SPATA1: variants seen among roughly 807,000 people sequenced by gnomAD.
The protein encoded by SPATA1 is spermatogenesis-associated protein 1.
In SPATA1, 57 loss-of-function variants were observed where a neutral mutation model predicts 59.6. The ratio of observed to expected loss-of-function variants is 0.96; its 90% CI spans 0.77 to 1.19. SPATA1 has a LOEUF of 1.19. SPATA1 is among the 50% of genes most tolerant of loss of function. The probability of loss-of-function intolerance (pLI) is 0.00; values close to 1 mark genes in which losing one functional copy is unlikely to be tolerated. For synonymous variants in SPATA1, 147 were observed against 163.9 expected (o/e 0.90, Z 0.79); for missense variants, 448 against 480.7 (o/e 0.93, Z 0.64).
downstream of SPATA1, among the ~76,000 whole-genome samples, chr1:84,559,194 T>G (rs1352986669): frequency 3.9e-5 from 6 of 152,242 alleles, no homozygotes; most frequent in East Asian, 1.2e-3. Context: ...GTGTCACATT[T>G]TGGCAATTCT....
chr1:84,529,280 GAAAT>G (rs111247858), intron 6 of SPATA1, among the ~76,000 whole-genome samples: 9,238 of 152,044 alleles, frequency 0.061, 445 homozygotes, highest in African/African-American at 0.13. Context: ...TTGTTGGAAA[GAAAT>G]CCAGTTTTTA....
intron 4 of SPATA1, among the ~76,000 whole-genome samples, chr1:84,562,586 G>A (rs1337082111): frequency 2.6e-5 from 4 of 152,134 alleles, no homozygotes; most frequent in African/African-American, 9.7e-5. Context: ...TTTGTACTTA[G>A]ATTTTTGAGC....
chr1:84,543,265 A>T (rs1300192869), intron 8 of SPATA1, among the ~76,000 whole-genome samples: 1 of 152,212 alleles, frequency 6.6e-6, no homozygotes, highest in East Asian at 1.9e-4. Context: ...CAAGATCGAT[A>T]AAGTGATAGT....
At chr1:84,550,524 A>G in exon 12 of SPATA1, 1 of 1,528,910 alleles carries the variant, frequency 6.5e-7, no homozygotes, top group Non-Finnish European at 8.8e-7. Context: ...TCATAGTAGA[A>G]GTTAAGGTAA....
At chr1:84,558,375 C>A (rs367840639), downstream of SPATA1, among the ~76,000 whole-genome samples, 2 of 150,644 alleles carry the variant, frequency 1.3e-5, no homozygotes, top group East Asian at 2.0e-4. Flanking sequence ...CTGCAAGCTC[C>A]GCCTCCCGGG....
intron 1 of SPATA1, among the ~76,000 whole-genome samples, chr1:84,513,752 T>TATC (rs2101917203): frequency 6.6e-6 from 1 of 152,358 alleles, no homozygotes; most frequent in East Asian, 1.9e-4. Flanking sequence ...TATCTTTTTC[T>TATC]ATCTCTTTAT....
At chr1:84,524,021 G>A (rs1297463557) in intron 4 of SPATA1, among the ~76,000 whole-genome samples, 2 of 151,240 alleles carry the variant, frequency 1.3e-5, no homozygotes, top group East Asian at 3.9e-4. Flanking sequence ...TCAGTGTAGT[G>A]ATGAAGATTA....
intron 8 of SPATA1, among the ~76,000 whole-genome samples, chr1:84,534,174 T>C (rs1683585174): frequency 6.6e-6 from 1 of 152,100 alleles, no homozygotes; most frequent in South Asian, 2.1e-4. Context: ...AGTTACTAGC[T>C]GTGTGACCTT....
At chr1:84,545,718 T>C in exon 10 of SPATA1, 3 of 1,535,220 alleles carry the variant, frequency 2.0e-6, no homozygotes, top group Non-Finnish European at 2.6e-6. Context: ...GTAAAAACGG[T>C]TGAAAAGCTA....
rs566939568 is a variant in SPATA1 at position 84,514,033 on chromosome 1, C to T, written c.-137-2190C>T. ...ATTTTTTTTGTATTTTTAATAGAGA[C>T]GGGGTTTCACCATGTTGGCCAGACT... On this transcript the variant is annotated intron_variant, in intron 1 of 12. Transcript: ENST00000490879. Among the ~76,000 whole-genome samples, 5 of 151,784 alleles carry T rather than the reference C, an allele frequency of 3.3e-5. No individual in the cohort carries two copies. The East Asian group carries it at 9.7e-4, about 29-fold the overall frequency.
chr1:84,564,971 C>T (rs557065396), intron 4 of SPATA1, among the ~76,000 whole-genome samples: 57 of 151,966 alleles, frequency 3.8e-4, no homozygotes, highest in Admixed American at 9.8e-4. Flanking sequence ...CCCAGGAGGT[C>T]GAGGTTACAG....
rs1331935488 is a variant in SPATA1, at chr1:84,524,467, T to G, written c.262-1229T>G. On this transcript the variant is annotated intron_variant, in intron 4 of 12. Coordinates refer to ENST00000490879, the Ensembl canonical transcript of SPATA1. The stretch of plus-strand genomic sequence containing the variant: ...CCTCACTGAGAAGGATGGATTGAAG[T>G]GAGGAGGCAGGAATTTCAGTAAGAA... 2.0e-5 allele frequency among the ~76,000 whole-genome samples: 3 copies of G among 152,078 alleles called. No individual in the cohort carries two copies. The East Asian group carries it at 5.8e-4, about 29-fold the overall frequency.
At chr1:84,519,137 C>T (rs902146662) in intron 2 of SPATA1, among the ~76,000 whole-genome samples, 12 of 151,826 alleles carry the variant, frequency 7.9e-5, no homozygotes, top group Non-Finnish European at 1.5e-4. Context: ...CCATGATGAA[C>T]AAGATATCCA....
chr1:84,544,409 T>A, intron 9 of SPATA1, 105 bp downstream of exon 9: 2 of 871,118 alleles, frequency 2.3e-6, no homozygotes, highest in Non-Finnish European at 1.8e-6. Flanking sequence ...TTTGAGAAGA[T>A]AAATAAGTTC....
chr1:84,533,859 G>A (rs767784034), intron 8 of SPATA1, 93 bp downstream of exon 8: 19 of 749,976 alleles, frequency 2.5e-5, no homozygotes, highest in Non-Finnish European at 3.9e-5. Context: ...AAATGTCTAA[G>A]TTTTCCAGAA....
intron 2 of SPATA1, 34 bp from the exon 3 acceptor site, chr1:84,520,546 TAAAAA>T: frequency 8.0e-7 from 1 of 1,257,486 alleles, no homozygotes; most frequent in South Asian, 1.5e-5. Context: ...TTTTTCACTT[TAAAAA>T]TATTTTAACC....
chr1:84,523,802 ACT>A (rs1193491663), intron 4 of SPATA1, among the ~76,000 whole-genome samples: 2 of 152,080 alleles, frequency 1.3e-5, no homozygotes, highest in South Asian at 2.1e-4. Flanking sequence ...AAAATGAACA[ACT>A]CTCATAATTT....
intron 10 of SPATA1, among the ~76,000 whole-genome samples, chr1:84,546,327 T>A (rs1324435852): frequency 6.6e-6 from 1 of 151,908 alleles, no homozygotes; most frequent in Non-Finnish European, 1.5e-5. Flanking sequence ...GGTGTGGTGG[T>A]GGGCACCTGT....
chr1:84,532,991 C>T lies in SPATA1; in HGVS notation c.659+17C>T. On this transcript the variant is annotated intron_variant, in intron 7 of 12. Coordinates refer to ENST00000490879, the Ensembl canonical transcript of SPATA1. The stretch of plus-strand genomic sequence containing the variant: ...TAAAAAAAGGTAATTAGTATAGATG[C>T]TGATTCCACATGCCATAATCTAAAC... 1 of 1,475,894 alleles carries T rather than the reference C, an allele frequency of 6.8e-7. No homozygotes were observed. The highest frequency in any genetic ancestry group is 9.2e-7 in the Non-Finnish European group (1 of 1,081,108). 91.4% of individuals were successfully genotyped at this position (1,475,894 alleles called of 1,614,324 possible). A position where few individuals can be genotyped will look rare whatever the true frequency, so the allele number is the denominator to read the frequency against.
Sources: gnomAD v4.1 joint callset for allele counts (sites outside exome capture counted in the v4.1 genomes callset) on GRCh38, gnomAD v4.1.1 for gene constraint, MANE v1.5 for transcripts, NCBI Gene and HGNC (gene_info 2026-07-23, HGNC 2026-07-21) for gene names.